Variants in TTLL8 observed in about 807,000 individuals in gnomAD.
TTLL8 encodes the protein protein monoglycylase TTLL8.
In TTLL8, 65 loss-of-function variants were observed where a neutral mutation model predicts 77.8. The observed-to-expected ratio is 0.84, with a 90% CI of 0.68 to 1.03. TTLL8 has a LOEUF of 1.03. Ranked by LOEUF, TTLL8 falls within the 50% of genes least tolerant of loss-of-function variation. TTLL8 has a pLI of 0.00. For synonymous variants in TTLL8, 402 were observed against 422.8 expected, an observed-to-expected ratio of 0.95 and a Z score of 0.60; for missense variants, 910 against 1,004.5, an observed-to-expected ratio of 0.91 and a Z score of 1.27.
chr22:50,030,054 G>A, intron 12 of TTLL8: 1 of 659,232 alleles, frequency 1.5e-6, no homozygotes, highest in Non-Finnish European at 1.9e-6. Context: ...GGTCACTTTG[G>A]CCCCTCGCTC....
chr22:50,027,623 T>C, intron 12 of TTLL8: 1 of 985,310 alleles, frequency 1.0e-6, no homozygotes, highest in Non-Finnish European at 1.2e-6. Flanking sequence ...TTGCTGTTCT[T>C]AAGCCAACAA....
chr22:50,031,133 G>A (rs1012711403), intron 11 of TTLL8, among the ~76,000 whole-genome samples: 2 of 152,144 alleles, frequency 1.3e-5, no homozygotes, highest in Non-Finnish European at 2.9e-5. Context: ...CCTGAGGCTT[G>A]GGGGTCAGCC....
At chr22:50,030,637 G>A (rs763296439) in exon 12 of TTLL8, 17 of 1,289,036 alleles carry the variant, frequency 1.3e-5, no homozygotes, top group Non-Finnish European at 1.7e-5. Flanking sequence ...GTGCGGGTGG[G>A]CTGTGCGGCT....
chr22:50,031,213 G>A (rs987601996), intron 11 of TTLL8, among the ~76,000 whole-genome samples: 2 of 152,206 alleles, frequency 1.3e-5, no homozygotes, highest in Admixed American at 6.5e-5. Flanking sequence ...CCGCAAGAGA[G>A]AGGCATTGGC....
intron 12 of TTLL8, among the ~76,000 whole-genome samples, 47 bp from the exon 14 acceptor site, chr22:50,018,838 C>T (rs2061180276): frequency 1.3e-5 from 2 of 152,214 alleles, no homozygotes; most frequent in South Asian, 4.1e-4. Flanking sequence ...CCGAACGTCC[C>T]ATCACTGGCA....
Position 50,049,192 on chromosome 22 carries a change from C to T in TTLL8, c.264+57G>A, listed in dbSNP as rs1227319531. 13 of 1,365,618 alleles carry T rather than the reference C, an allele frequency of 9.5e-6. No homozygotes were observed. The East Asian group carries it at 1.8e-4, about 19-fold the overall frequency. The allele number at this position is 1,365,618 out of a possible 1,614,324, so 84.6% of individuals were successfully genotyped here. On this transcript the variant is annotated intron_variant, in intron 3 of 13. Coordinates refer to ENST00000266182, the Ensembl canonical transcript of TTLL8. ...GGAGAGTGGGCACGGAGCAGGGCGACGGTGTGAGAAGCTTTGGAGAGGCCG... is the reference window on the plus strand; with the variant it reads ...GGAGAGTGGGCACGGAGCAGGGCGATGGTGTGAGAAGCTTTGGAGAGGCCG...
chr22:50,055,015 G>A (rs536306703), upstream of TTLL8: 10 of 418,950 alleles, frequency 2.4e-5, no homozygotes, highest in South Asian at 1.0e-4. Flanking sequence ...AGCTGAGATC[G>A]TGCCACTGCA....
intron 8 of TTLL8, among the ~76,000 whole-genome samples, chr22:50,039,780 G>C (rs1465200494): frequency 6.6e-6 from 1 of 151,182 alleles, no homozygotes; most frequent in Non-Finnish European, 1.5e-5. Context: ...ATGTGTGCCA[G>C]TGTGGATGGA....
chr22:50,050,218 G>A lies in TTLL8; in HGVS notation c.81C>T (p.His27=), dbSNP rs538684360. Reference sequence around the variant, plus strand: ...GCAGAGCGGCCCGGACCACCGGGTAGTGTCCGTAGATAGAGAAAATCTTCT... The same window carrying A: ...GCAGAGCGGCCCGGACCACCGGGTAATGTCCGTAGATAGAGAAAATCTTCT... Residue 27 remains histidine (H), a synonymous_variant, in exon 2 of 14, where the codon CAC becomes CAT. Transcript: ENST00000266182. 4 of 1,350,862 alleles carry A rather than the reference G, an allele frequency of 3.0e-6. No individual in the cohort carries two copies. The South Asian group carries it at 4.7e-5, about 16-fold the overall frequency. 83.7% of individuals were successfully genotyped at this position (1,350,862 alleles called of 1,614,324 possible). A position where few individuals can be genotyped will look rare whatever the true frequency, so the allele number is the denominator to read the frequency against.
Position 50,044,633 on chromosome 22 carries a change from T to C in TTLL8, c.643+622A>G, listed in dbSNP as rs558736872. ...ACACTCTAAAAGTTTAATGCGCCAA[T>C]GTTCATCTGTCAACAGTCGAAGCGC... On this transcript the variant is annotated intron_variant, in intron 6 of 13. Transcript: ENST00000266182. This position sits in a 1 kb window ranked among gnomAD's most constrained non-coding sequence, Gnocchi z 4.2. 2.6e-5 allele frequency among the ~76,000 whole-genome samples: 4 copies of C among 152,326 alleles called. No homozygotes were observed. The South Asian group carries it at 6.2e-4, about 24-fold the overall frequency.
chr22:50,047,184 G>A, exon 4 of TTLL8: 2 of 1,367,534 alleles, frequency 1.5e-6, no homozygotes, highest in Non-Finnish European at 2.0e-6. Context: ...GGTGAAGGAG[G>A]CTGTCTTTGC....
At chr22:50,057,477 A>AGGTCTGGGTTGGGGGTCAGGTCGGG (rs2061483901), upstream of TTLL8, among the ~76,000 whole-genome samples, 1 of 5,318 alleles carries the variant, frequency 1.9e-4, no homozygotes, top group African/African-American at 1.4e-3. Flanking sequence ...TCAGGTCTGG[A>AGGTCTGGGTTGGGGGTCAGGTCGGG]TTGTGGGTCA....
At position 50,045,237 on chromosome 22, in the gene TTLL8, T is replaced by C. The variant is rs771541716; in HGVS notation, c.643+18A>G. ...GAGCTCTGGTGGCCTGGCACTGCCC[T>C]GCCCCGGCCCAGCGCACCTTGCCTG... On this transcript the variant is annotated intron_variant, in intron 6 of 13. Coordinates refer to ENST00000266182, the Ensembl canonical transcript of TTLL8. 42 of 1,348,252 alleles carry C rather than the reference T, an allele frequency of 3.1e-5. No individual in the cohort carries two copies. Among genetic ancestry groups the C allele is most frequent in the Non-Finnish European group, 4.0e-5 (41 of 1,019,824 alleles). The allele number at this position is 1,348,252 out of a possible 1,614,324, so 83.5% of individuals were successfully genotyped here.
intron 8 of TTLL8, among the ~76,000 whole-genome samples, chr22:50,036,885 G>T (rs957726130): frequency 1.3e-5 from 2 of 151,950 alleles, no homozygotes; most frequent in African/African-American, 2.4e-5. Context: ...GGTGTGAGCC[G>T]CCGCGCCCAG....
At chr22:50,051,210 G>C (rs1175931199) in intron 1 of TTLL8, among the ~76,000 whole-genome samples, 2 of 152,270 alleles carry the variant, frequency 1.3e-5, no homozygotes, top group Non-Finnish European at 2.9e-5. Context: ...CTTCCCCCAA[G>C]TCTCCAAACT....
rs1162276668 is a variant in TTLL8, at chr22:50,046,085, A to G, written c.394-115T>C. 5 of 950,998 alleles carry G rather than the reference A, an allele frequency of 5.3e-6. No homozygotes were observed. In the African/African-American group the frequency reaches 6.8e-5, roughly 13 times the overall value. The allele number at this position is 950,998 out of a possible 1,614,324, so 58.9% of individuals were successfully genotyped here. A position where few individuals can be genotyped will look rare whatever the true frequency, so the allele number is the denominator to read the frequency against. ...CTTGCCTGGCTATGGGGCACCACACAGCACCCCTAGGGCGGATCCCTCCCC... is the reference window on the plus strand; with the variant it reads ...CTTGCCTGGCTATGGGGCACCACACGGCACCCCTAGGGCGGATCCCTCCCC... On this transcript the variant is annotated intron_variant, in intron 4 of 13. Transcript: ENST00000266182.
At chr22:50,050,922 G>A (rs1389927570) in intron 1 of TTLL8, among the ~76,000 whole-genome samples, 5 of 152,174 alleles carry the variant, frequency 3.3e-5, no homozygotes, top group East Asian at 1.9e-4. Context: ...CTTAAGACGC[G>A]AGTCTGCTGA....
intron 8 of TTLL8, among the ~76,000 whole-genome samples, chr22:50,040,811 G>A (rs1036847028): frequency 3.9e-5 from 6 of 152,204 alleles, no homozygotes; most frequent in African/African-American, 1.4e-4. Context: ...TTGCCCATCA[G>A]CCGGCACCTG....
rs765773789 is a variant in TTLL8 at position 50,034,415 on chromosome 22, G to GTCC, written c.966_968dup (p.Thr322_Asp323insGlu). The GTCC allele has an allele frequency of 4.1e-5, 56 of 1,367,350 alleles. No individual in the cohort carries two copies. Among genetic ancestry groups the GTCC allele is most frequent in the South Asian group, 3.6e-4 (32 of 88,056 alleles). The allele number at this position is 1,367,350 out of a possible 1,614,324, so 84.7% of individuals were successfully genotyped here. A position where few individuals can be genotyped will look rare whatever the true frequency, so the allele number is the denominator to read the frequency against. Reference sequence around the variant, plus strand: ...TCCAGATGTTCCGGAGCCCGTCAATGTCCGTCTGAGGGTTCACAGACGTGA... The same window carrying GTCC: ...TCCAGATGTTCCGGAGCCCGTCAATGTCCTCCGTCTGAGGGTTCACAGACGTGA... On this transcript the variant is annotated inframe_insertion, in exon 9 of 14. Transcript: ENST00000266182. The surrounding 1 kb of genome is among the most constrained non-coding windows in gnomAD (Gnocchi z 4.1).
Sources: gnomAD v4.1 joint callset for allele counts (sites outside exome capture counted in the v4.1 genomes callset) on GRCh38, gnomAD v4.1.1 for gene constraint, Gnocchi (gnomAD v3.1) non-coding constraint, MANE v1.5 for transcripts, NCBI Gene and HGNC (gene_info 2026-07-23, HGNC 2026-07-21) for gene names.